SLC4A10: variants seen among roughly 807,000 people sequenced by gnomAD.
SLC4A10 encodes the protein sodium-driven chloride bicarbonate exchanger.
In SLC4A10, 42 loss-of-function variants were observed where a neutral mutation model predicts 137.7. The ratio of observed to expected loss-of-function variants is 0.30; its 90% CI spans 0.24 to 0.39. SLC4A10 has a LOEUF of 0.39. Among genes scored for constraint, SLC4A10 ranks in the 10% least tolerant of loss-of-function variants. SLC4A10 has a pLI of 1.00. For missense variants in SLC4A10, 925 were observed against 1,355.0 expected (o/e 0.68, Z 4.98); for synonymous variants, 474 against 464.1 (o/e 1.02, Z -0.27).
chr2:161,944,739 G>A (rs1693413642), intron 16 of SLC4A10, among the ~76,000 whole-genome samples: 1 of 151,450 alleles, frequency 6.6e-6, no homozygotes, highest in Non-Finnish European at 1.5e-5. Context: ...TATCACCAGA[G>A]GGAATACTAT....
At chr2:161,708,190 A>T (rs545304583) in intron 1 of SLC4A10, among the ~76,000 whole-genome samples, 2 of 150,780 alleles carry the variant, frequency 1.3e-5, no homozygotes, top group Admixed American at 6.6e-5. Flanking sequence ...CTTTTTAGGC[A>T]CTCATCATTT....
At chr2:161,852,046 C>T (rs929744268) in intron 4 of SLC4A10, among the ~76,000 whole-genome samples, 7 of 152,144 alleles carry the variant, frequency 4.6e-5, no homozygotes, top group African/African-American at 1.4e-4. Flanking sequence ...TTCACCTCTA[C>T]ACCTGGTTAA....
At chr2:161,743,894 A>G (rs1474274650) in intron 1 of SLC4A10, among the ~76,000 whole-genome samples, 1 of 152,024 alleles carries the variant, frequency 6.6e-6, no homozygotes, top group African/African-American at 2.4e-5. Context: ...ATTTGTAGCT[A>G]TTTTAAATGG....
chr2:161,937,088 A>G (rs998284560), intron 15 of SLC4A10, among the ~76,000 whole-genome samples: 1 of 152,042 alleles, frequency 6.6e-6, no homozygotes, highest in African/African-American at 2.4e-5. Context: ...TAACTTCCTC[A>G]TTGTCCCACT....
intron 1 of SLC4A10, among the ~76,000 whole-genome samples, chr2:161,765,888 A>C (rs1011313563): frequency 6.6e-6 from 1 of 152,252 alleles, no homozygotes; most frequent in East Asian, 1.9e-4. Flanking sequence ...TCCCTTCATC[A>C]TACCCCATGT....
At chr2:161,957,402 A>T (rs1695852619) in intron 20 of SLC4A10, among the ~76,000 whole-genome samples, 162 bp downstream of exon 20, 1 of 152,188 alleles carries the variant, frequency 6.6e-6, no homozygotes, top group Non-Finnish European at 1.5e-5. Flanking sequence ...AACCTAAGGG[A>T]GGGAAATTAC....
At chr2:161,636,034 G>A (rs2034331353) in intron 1 of SLC4A10, among the ~76,000 whole-genome samples, 1 of 152,062 alleles carries the variant, frequency 6.6e-6, no homozygotes, top group African/African-American at 2.4e-5. Context: ...TTCAATTTTA[G>A]CAGAATTTGT....
chr2:161,775,559 C>T (rs2052219046), intron 2 of SLC4A10, among the ~76,000 whole-genome samples: 1 of 151,808 alleles, frequency 6.6e-6, no homozygotes, highest in Admixed American at 6.6e-5. Context: ...GTCTGTTTCT[C>T]AGTGAATCTG....
intron 1 of SLC4A10, among the ~76,000 whole-genome samples, chr2:161,769,838 C>T (rs1395063584): frequency 6.6e-6 from 1 of 151,730 alleles, no homozygotes; most frequent in Non-Finnish European, 1.5e-5. Context: ...TTCTGGATTC[C>T]CATGACTCTT....
intron 2 of SLC4A10, among the ~76,000 whole-genome samples, chr2:161,791,639 A>T (rs1432346599): frequency 6.6e-6 from 1 of 152,188 alleles, no homozygotes; most frequent in Admixed American, 6.5e-5. Context: ...TAAAAGTTGG[A>T]GATTAAAAAA....
In SLC4A10 at chr2:161,661,956, C is replaced by T. The variant is rs189504821; in HGVS notation, c.48+37390C>T. On this transcript the variant is annotated intron_variant, in intron 1 of 26. Transcript: ENST00000446997. ...TAAGCATGGGACCTCATACCTTGTACTTTGAAAAGTAAAAACAGTAGTTTC... is the reference window on the plus strand; with the variant it reads ...TAAGCATGGGACCTCATACCTTGTATTTTGAAAAGTAAAAACAGTAGTTTC... Among the ~76,000 whole-genome samples the T allele has an allele frequency of 5.0e-3, 765 of 152,150 alleles. 18 individuals carry two copies. The highest frequency in any genetic ancestry group is 3.7e-3 in the Non-Finnish European group (250 of 67,960).
intron 2 of SLC4A10, among the ~76,000 whole-genome samples, chr2:161,792,574 T>C (rs1364735301): frequency 6.6e-6 from 1 of 152,148 alleles, no homozygotes; most frequent in Non-Finnish European, 1.5e-5. Flanking sequence ...ATTTCAGCTG[T>C]CTTCCCCCTA....
intron 15 of SLC4A10, among the ~76,000 whole-genome samples, chr2:161,917,000 A>G (rs1166153749): frequency 6.6e-6 from 1 of 152,222 alleles, no homozygotes; most frequent in Non-Finnish European, 1.5e-5. Context: ...AATGTATAGT[A>G]CATTTCCCAA....
intron 3 of SLC4A10, among the ~76,000 whole-genome samples, chr2:161,813,021 T>C (rs1253015224): frequency 6.6e-6 from 1 of 152,062 alleles, no homozygotes; most frequent in Non-Finnish European, 1.5e-5. Context: ...TTTCTTTACA[T>C]TTTAGCCTGT....
At chr2:161,741,339 A>C (rs1436658388) in intron 1 of SLC4A10, among the ~76,000 whole-genome samples, 1 of 152,092 alleles carries the variant, frequency 6.6e-6, no homozygotes, top group Non-Finnish European at 1.5e-5. Flanking sequence ...GCTAAAAAAA[A>C]AAGCACCTAA....
chr2:161,903,440 A>G (rs539356546), intron 12 of SLC4A10, among the ~76,000 whole-genome samples: 1 of 152,280 alleles, frequency 6.6e-6, no homozygotes, highest in East Asian at 1.9e-4. Context: ...GGACATTTAG[A>G]TGTCTTCCTG....
At chr2:161,827,411 G>T (rs1317704191) in intron 3 of SLC4A10, among the ~76,000 whole-genome samples, 1 of 152,106 alleles carries the variant, frequency 6.6e-6, no homozygotes, top group Non-Finnish European at 1.5e-5. Flanking sequence ...AACCTACAAT[G>T]CTGGCTCTCA....
At chr2:161,814,957 G>A (rs1034053638) in intron 3 of SLC4A10, among the ~76,000 whole-genome samples, 30 of 151,822 alleles carry the variant, frequency 2.0e-4, no homozygotes, top group Admixed American at 1.4e-3. Context: ...CTTACCAAAC[G>A]TAAAGAAAGA....
intron 1 of SLC4A10, among the ~76,000 whole-genome samples, chr2:161,636,281 T>C (rs1486040722): frequency 2.0e-5 from 3 of 152,190 alleles, no homozygotes; most frequent in African/African-American, 7.2e-5. Context: ...CTTAACATAA[T>C]GTTCTGTAGG....
Sources: allele counts gnomAD v4.1 joint callset (sites outside exome capture counted in the v4.1 genomes callset), GRCh38; gene constraint gnomAD v4.1.1; transcripts MANE v1.5; gene names NCBI Gene and HGNC (gene_info 2026-07-23, HGNC 2026-07-21).